The following AKNA variants were observed in gnomAD, a reference collection of about 807,000 sequenced individuals.
AKNA encodes the protein microtubule organization protein AKNA.
Under a neutral mutation model 138.8 loss-of-function variants are expected in AKNA, and 67 were observed. The observed-to-expected ratio is 0.48, with a 90% CI of 0.40 to 0.59. The LOEUF is 0.59. Ranked by LOEUF, AKNA falls within the 20% of genes least tolerant of loss-of-function variation. The pLI is 0.00. For synonymous variants in AKNA, 737 were observed against 754.4 expected (o/e 0.98, Z 0.38); for missense variants, 1,813 against 1,880.4 (o/e 0.96, Z 0.66).
At chr9:114,331,668 T>A, downstream of AKNA, 1 of 1,612,958 alleles carries the variant, frequency 6.2e-7, no homozygotes, top group East Asian at 2.2e-5. Context: ...GGGGCTGTCT[T>A]TCTATGGTAG....
chr9:114,361,241 G>A (rs1288248471), intron 9 of AKNA, among the ~76,000 whole-genome samples: 1 of 151,858 alleles, frequency 6.6e-6, no homozygotes, highest in Non-Finnish European at 1.5e-5. Flanking sequence ...CTAGCCACAG[G>A]GCCTTTGCAC....
chr9:114,331,734 C>T, downstream of AKNA: 10 of 1,582,894 alleles, frequency 6.3e-6, no homozygotes, highest in Non-Finnish European at 8.7e-6. Flanking sequence ...CCCATTCACC[C>T]ACCCCTGGGC....
Position 114,351,033 on chromosome 9 carries a change from G to A in AKNA, c.3059-12C>T, listed in dbSNP as rs940487978. On this transcript the variant is annotated splice_polypyrimidine_tract_variant and intron_variant, in intron 14 of 21. Coordinates refer to ENST00000374088, the MANE Select transcript of AKNA (RefSeq NM_001317950.2). ...TGAGCCAGGAACCGCTAGGGAGGCAGAGAGAGAACCCAAAGTGAGTTTAAG... is the reference window on the plus strand; with the variant it reads ...TGAGCCAGGAACCGCTAGGGAGGCAAAGAGAGAACCCAAAGTGAGTTTAAG... 1.2e-6 allele frequency: 2 copies of A among 1,612,464 alleles called. No individual in the cohort carries two copies. Among genetic ancestry groups the A allele is most frequent in the East Asian group, 2.2e-5 (1 of 44,860 alleles).
Position 114,352,226 on chromosome 9 carries a change from A to G in AKNA, c.3059-1205T>C, listed in dbSNP as rs568782372. Among the ~76,000 whole-genome samples, 8 of 152,286 alleles carry G rather than the reference A, an allele frequency of 5.3e-5. No homozygotes were observed. In the East Asian group the frequency reaches 1.5e-3, roughly 29 times the overall value. Reference sequence around the variant, plus strand: ...TTGCAAGATAGTCTCACTGGGGAAAACTGAGTAAAGGCACATGGGATCTCT... The same window carrying G: ...TTGCAAGATAGTCTCACTGGGGAAAGCTGAGTAAAGGCACATGGGATCTCT... On this transcript the variant is annotated intron_variant, in intron 14 of 21. Coordinates refer to ENST00000374088, the MANE Select transcript of AKNA (RefSeq NM_001317950.2).
chr9:114,384,678 A>C (rs1376410066), intron 1 of AKNA, among the ~76,000 whole-genome samples: 1 of 152,224 alleles, frequency 6.6e-6, no homozygotes, highest in African/African-American at 2.4e-5. Context: ...CTTTATTGTA[A>C]GAAAACAGTA....
chr9:114,332,279 C>T (rs1171323436), downstream of AKNA, among the ~76,000 whole-genome samples: 3 of 152,110 alleles, frequency 2.0e-5, no homozygotes, highest in Non-Finnish European at 2.9e-5. Flanking sequence ...ACCTCCACTC[C>T]CCGCTCATTT....
chr9:114,344,340 C>T (rs1404933405), intron 18 of AKNA: 1 of 154,754 alleles, frequency 6.5e-6, no homozygotes, highest in Admixed American at 6.3e-5. Flanking sequence ...TGAACGGGGC[C>T]GTATCCGTGT....
rs146765341 is a variant in AKNA, at chr9:114,350,912, G to A, written c.3168C>T (p.Pro1056=). 10 of 1,608,924 alleles carry A rather than the reference G, an allele frequency of 6.2e-6. No individual in the cohort carries two copies. Among genetic ancestry groups the A allele is most frequent in the African/African-American group, 5.3e-5 (4 of 74,834 alleles). Reference sequence around the variant, plus strand: ...TGGGGATGGTCTCTGTTGGTCCACAGGGTAGAGGCGCAGCGGCAGGGGCGG... The same window carrying A: ...TGGGGATGGTCTCTGTTGGTCCACAAGGTAGAGGCGCAGCGGCAGGGGCGG... ...PAPAPAAAPL[P]CGPTETIPSF... The change falls in exon 15 of 22, where the codon CCC becomes CCT. Residue 1056 remains proline (P), a synonymous_variant. Coordinates refer to ENST00000374088, the MANE Select transcript of AKNA (RefSeq NM_001317950.2).
chr9:114,367,775 G>T, intron 5 of AKNA, 78 bp from the exon 6 acceptor site: 1 of 1,448,410 alleles, frequency 6.9e-7, no homozygotes, highest in Non-Finnish European at 9.3e-7. Flanking sequence ...GAACGTCAAA[G>T]CCACCACCTC....
rs773812178 is a variant in AKNA, at chr9:114,355,971, C to G, written c.3012G>C (p.Gln1004His). The G allele has an allele frequency of 6.2e-7, 1 of 1,614,230 alleles. No homozygotes were observed. Among genetic ancestry groups the G allele is most frequent in the South Asian group, 1.1e-5 (1 of 91,086 alleles). The change falls in exon 14 of 22, where the codon CAG becomes CAC. Residue 1004 changes from glutamine to histidine, a missense_variant. Coordinates refer to ENST00000374088, the MANE Select transcript of AKNA (RefSeq NM_001317950.2). ...YLSSPSGPLR[Q>H]RAPNFSLERT... ...GCTCCAGGCTGAAGTTGGGTGCCCT[C>G]TGCCGGAGAGGCCCACTTGGGCTGG...
Position 114,376,462 on chromosome 9 carries a change from T to A in AKNA, c.1341+4A>T, listed in dbSNP as rs1183842803. 3 of 1,613,782 alleles carry A rather than the reference T, an allele frequency of 1.9e-6. No homozygotes were observed. The highest frequency in any genetic ancestry group is 2.5e-6 in the Non-Finnish European group (3 of 1,179,884). On this transcript the variant is annotated splice_donor_region_variant and intron_variant, in intron 3 of 21. Coordinates refer to ENST00000374088, the MANE Select transcript of AKNA (RefSeq NM_001317950.2). ...ACACATCCACAGCCATGAGTCCCAC[T>A]AACCTGGAGCTGATGGACCAGCTCA...
At chr9:114,332,445 G>A (rs1289666840), downstream of AKNA, among the ~76,000 whole-genome samples, 1 of 152,134 alleles carries the variant, frequency 6.6e-6, no homozygotes, top group Non-Finnish European at 1.5e-5. Flanking sequence ...TGGAAGACTT[G>A]TGTTGGTGTG....
At position 114,345,972 on chromosome 9, in the gene AKNA, A is replaced by G. The variant is rs529313481; in HGVS notation, c.3552T>C (p.Ser1184=). The change falls in exon 18 of 22, where the codon TCT becomes TCC. Residue 1184 remains serine, a synonymous_variant. Transcript: ENST00000374088. ...ESELPSLPLF[S]EKSKTTKDSP... ...TGTCCTTGGTGGTCTTGCTCTTCTC[A>G]GAGAACAGTGGTAGGGAGGGCAGCT... The G allele has an allele frequency of 1.2e-6, 2 of 1,613,900 alleles. No individual in the cohort carries two copies. The highest frequency in any genetic ancestry group is 1.7e-6 in the Non-Finnish European group (2 of 1,179,946).
intron 4 of AKNA, among the ~76,000 whole-genome samples, chr9:114,373,042 G>A (rs531892793): frequency 3.0e-4 from 40 of 132,834 alleles, no homozygotes; most frequent in Admixed American, 2.6e-4. Context: ...CACCTGCCCC[G>A]GAAGTGCCTC....
chr9:114,337,013 G>GGGGGGGGGGGGGGCC lies in AKNA; in HGVS notation c.*40_*41insGGCCCCCCCCCCCCC. On this transcript the variant is annotated 3_prime_UTR_variant, in exon 22 of 22. Coordinates refer to ENST00000374088, the MANE Select transcript of AKNA (RefSeq NM_001317950.2). The stretch of plus-strand genomic sequence containing the variant: ...CCACTCCTGGCCTGGCAGGCCACCT[G>GGGGGGGGGGGGGGCC]CCCACCCACCCACCCATCTGCCTCT... The GGGGGGGGGGGGGGCC allele has an allele frequency of 1.4e-5, 17 of 1,185,368 alleles. No homozygotes were observed. The highest frequency in any genetic ancestry group is 1.8e-5 in the Non-Finnish European group (17 of 921,702). The allele number at this position is 1,185,368 out of a possible 1,614,324, so 73.4% of individuals were successfully genotyped here. A position where few individuals can be genotyped will look rare whatever the true frequency, so the allele number is the denominator to read the frequency against.
At chr9:114,341,418 G>A (rs1400377170) in intron 21 of AKNA, 115 bp downstream of exon 21, 2 of 1,281,964 alleles carry the variant, frequency 1.6e-6, no homozygotes, top group Non-Finnish European at 2.2e-6. Flanking sequence ...TATCCACGCA[G>A]GGATAAAACA....
intron 5 of AKNA, 84 bp from the exon 6 acceptor site, chr9:114,367,781 A>G: frequency 1.4e-6 from 2 of 1,423,740 alleles, no homozygotes; most frequent in South Asian, 2.8e-5. Context: ...CAAAGCCACC[A>G]CCTCCATCAT....
At chr9:114,347,942 A>T in intron 15 of AKNA, 42 bp from the exon 16 acceptor site, 1 of 1,542,046 alleles carries the variant, frequency 6.5e-7, no homozygotes, top group Non-Finnish European at 8.7e-7. Context: ...CAGAGGCATG[A>T]GGAACAGAGC....
chr9:114,347,123 ACAC>A (rs1488196682), intron 16 of AKNA, among the ~76,000 whole-genome samples: 11 of 152,222 alleles, frequency 7.2e-5, no homozygotes, highest in Admixed American at 1.3e-4. Context: ...AAATGAACAA[ACAC>A]CGAATTAATG....
Sources: gnomAD v4.1 joint callset for allele counts (sites outside exome capture counted in the v4.1 genomes callset) on GRCh38, gnomAD v4.1.1 for gene constraint, MANE v1.5 for transcripts, NCBI Gene and HGNC (gene_info 2026-07-23, HGNC 2026-07-21) for gene names.